The following FBXL17 variants were observed in gnomAD, a reference collection of about 807,000 sequenced individuals.
FBXL17 encodes the protein F-box and leucine rich repeat protein 17.
Under a neutral mutation model 66.2 loss-of-function variants are expected in FBXL17, and 22 were observed. That is an observed-to-expected ratio of 0.33 (90% CI 0.24 to 0.47). The LOEUF (loss-of-function observed/expected upper bound fraction) is 0.47. FBXL17 is among the 20% of genes least tolerant of loss of function. The probability of loss-of-function intolerance (pLI) is 1.00; values close to 1 mark genes in which losing one functional copy is unlikely to be tolerated. For synonymous variants in FBXL17, 474 were observed against 400.5 expected, an observed-to-expected ratio of 1.18 and a Z score of -2.19; for missense variants, 878 against 948.2, an observed-to-expected ratio of 0.93 and a Z score of 0.97.
intron 6 of FBXL17, among the ~76,000 whole-genome samples, chr5:108,098,123 T>C (rs1202340882): frequency 6.6e-6 from 1 of 152,158 alleles, no homozygotes; most frequent in Admixed American, 6.5e-5. Context: ...GTGACTTCAG[T>C]AAAACTTCAA....
chr5:108,009,292 T>TAAAGATAGATAGATAGATAGATAGATAG (rs1182877374), intron 7 of FBXL17, among the ~76,000 whole-genome samples: 1 of 35,946 alleles, frequency 2.8e-5, no homozygotes, highest in Non-Finnish European at 6.5e-5. Context: ...TATATATATA[T>TAAAGATAGATAGATAGATAGATAGATAG]ATATATATAC....
intron 3 of FBXL17, among the ~76,000 whole-genome samples, chr5:108,348,846 C>G (rs1455288402): frequency 1.3e-5 from 2 of 152,228 alleles, no homozygotes; most frequent in Admixed American, 1.3e-4. Flanking sequence ...ACTGTGTCGC[C>G]CAGGCTAGAG....
intron 6 of FBXL17, among the ~76,000 whole-genome samples, chr5:108,030,766 A>G (rs961072773): frequency 6.6e-6 from 1 of 152,142 alleles, no homozygotes. Context: ...ATTATTTTCA[A>G]AAGTCATTAG....
intron 7 of FBXL17, among the ~76,000 whole-genome samples, chr5:107,957,766 T>A (rs573561486): frequency 6.6e-6 from 1 of 152,208 alleles, no homozygotes; most frequent in Non-Finnish European, 1.5e-5. Context: ...GCCTAGGCCA[T>A]AATTTGTACA....
At chr5:108,037,213 T>C (rs1561379261) in intron 6 of FBXL17, among the ~76,000 whole-genome samples, 1 of 152,306 alleles carries the variant, frequency 6.6e-6, no homozygotes, top group East Asian at 1.9e-4. Context: ...TATAATAATT[T>C]TTGACAATAT....
At position 108,381,026 on chromosome 5, in the gene FBXL17, G is replaced by C; in HGVS notation, c.666C>G (p.Gly222=). 8.4e-7 allele frequency: 1 copy of C among 1,188,990 alleles called. No individual in the cohort carries two copies. The allele number at this position is 1,188,990 out of a possible 1,614,324, so 73.7% of individuals were successfully genotyped here. Residue 222 remains glycine (G), a synonymous_variant, in exon 1 of 9, where the codon GGC becomes GGG. Transcript: ENST00000542267. ...CTCCCCCGCCACCGCCGCCGCCGCC[G>C]CCGCCGCAGCCCCCGCCGCCGCAGC... ...QPRCGGGGCG[G]GGGGGGGGGP... is the part of the protein sequence containing the mutation.
chr5:108,341,723 T>C (rs997363516), intron 4 of FBXL17, among the ~76,000 whole-genome samples: 1 of 152,106 alleles, frequency 6.6e-6, no homozygotes, highest in Non-Finnish European at 1.5e-5. Context: ...AGACCAAATA[T>C]GAATACTTCC....
At chr5:108,130,073 T>C (rs1750871732) in intron 6 of FBXL17, among the ~76,000 whole-genome samples, 1 of 151,912 alleles carries the variant, frequency 6.6e-6, no homozygotes, top group South Asian at 2.1e-4. Flanking sequence ...TAAACTGCTT[T>C]TATTTTTAAT....
intron 1 of FBXL17, among the ~76,000 whole-genome samples, chr5:108,379,482 T>C (rs1372065926): frequency 6.7e-6 from 1 of 148,732 alleles, no homozygotes; most frequent in Non-Finnish European, 1.5e-5. Context: ...CCTCTTGCTG[T>C]ATCACTCACA....
intron 6 of FBXL17, among the ~76,000 whole-genome samples, chr5:108,062,949 C>T (rs1350762527): frequency 6.6e-6 from 1 of 152,046 alleles, no homozygotes; most frequent in African/African-American, 2.4e-5. Flanking sequence ...ACAAATAATA[C>T]TATGAGTATT....
chr5:108,329,884 T>C (rs1271797697), intron 4 of FBXL17, among the ~76,000 whole-genome samples: 4 of 152,090 alleles, frequency 2.6e-5, no homozygotes, highest in Non-Finnish European at 5.9e-5. Context: ...GGTGTTACTG[T>C]CTTCCCCAGC....
At chr5:108,113,198 T>C (rs1049428341) in intron 6 of FBXL17, among the ~76,000 whole-genome samples, 1 of 152,156 alleles carries the variant, frequency 6.6e-6, no homozygotes, top group African/African-American at 2.4e-5. Flanking sequence ...TGCATTCCCA[T>C]CTGAGCTCTG....
In FBXL17 at chr5:108,380,695, C is replaced by T. The variant is rs2112669456; in HGVS notation, c.993+4G>A. 8.0e-7 allele frequency: 1 copy of T among 1,248,742 alleles called. No individual in the cohort carries two copies. The highest frequency in any genetic ancestry group is 2.1e-4 in the Middle Eastern group (1 of 4,844). 77.4% of individuals were successfully genotyped at this position (1,248,742 alleles called of 1,614,324 possible). ...GCATCCCTGCGCCTCTCGCCCAGAC[C>T]CACCTTGAGCAGGATGGACGGCGGC... On this transcript the variant is annotated splice_donor_region_variant and intron_variant, in intron 1 of 8. Transcript: ENST00000542267.
chr5:108,230,951 T>TA (rs33911384), intron 4 of FBXL17, among the ~76,000 whole-genome samples: 5 of 151,702 alleles, frequency 3.3e-5, no homozygotes, highest in South Asian at 2.1e-4. Context: ...AAATTTTTTT[T>TA]AAAAAAAAGC....
chr5:108,039,286 T>G (rs891987496), intron 6 of FBXL17, among the ~76,000 whole-genome samples: 1 of 152,040 alleles, frequency 6.6e-6, no homozygotes, highest in Non-Finnish European at 1.5e-5. Context: ...GGAAATGATA[T>G]GATGTTTTAC....
At chr5:107,987,642 C>T (rs894064687) in intron 7 of FBXL17, among the ~76,000 whole-genome samples, 11 of 151,788 alleles carry the variant, frequency 7.2e-5, no homozygotes, top group Admixed American at 3.3e-4. Flanking sequence ...AAAACCTCTT[C>T]GTGAAAATCT....
chr5:107,986,774 A>C (rs1035383839), intron 7 of FBXL17, among the ~76,000 whole-genome samples: 2 of 152,110 alleles, frequency 1.3e-5, no homozygotes, highest in South Asian at 2.1e-4. Context: ...CAACTGTACA[A>C]CCCTATTTAT....
chr5:108,234,951 CTTATT>C (rs1260253755), intron 4 of FBXL17, among the ~76,000 whole-genome samples: 8 of 152,224 alleles, frequency 5.3e-5, no homozygotes, highest in South Asian at 4.1e-4. Flanking sequence ...GCAATGTAGT[CTTATT>C]TTAAGACTTG....
At chr5:107,890,051 A>G (rs1749143505) in intron 7 of FBXL17, among the ~76,000 whole-genome samples, 1 of 152,190 alleles carries the variant, frequency 6.6e-6, no homozygotes, top group African/African-American at 2.4e-5. Flanking sequence ...TGAGGAAGAA[A>G]AAGAACCTTA....
Sources: allele counts gnomAD v4.1 joint callset (sites outside exome capture counted in the v4.1 genomes callset), GRCh38; gene constraint gnomAD v4.1.1; transcripts MANE v1.5; gene names NCBI Gene and HGNC (gene_info 2026-07-23, HGNC 2026-07-21).